Variants in STIM1 observed in about 807,000 individuals in gnomAD.
STIM1 encodes stromal interaction molecule 1.
In STIM1, 25 loss-of-function variants were observed where a neutral mutation model predicts 74.7. The ratio of observed to expected loss-of-function variants is 0.33; its 90% confidence interval spans 0.24 to 0.47. The LOEUF (loss-of-function observed/expected upper bound fraction) is 0.47. STIM1 is among the 20% of genes least tolerant of loss of function. STIM1 has a pLI of 1.00. For missense variants in STIM1, 728 were observed against 920.8 expected (o/e 0.79, Z 2.71); for synonymous variants, 328 against 348.8 (o/e 0.94, Z 0.66).
At chr11:4,013,706 T>C (rs1194014745) in intron 2 of STIM1, among the ~76,000 whole-genome samples, 1 of 127,090 alleles carries the variant, frequency 7.9e-6, no homozygotes, top group Non-Finnish European at 1.7e-5. Context: ...TTTTTTTTTT[T>C]TTTTTTTTTT....
chr11:3,899,165 A>G (rs1226537457), intron 1 of STIM1, among the ~76,000 whole-genome samples: 1 of 135,826 alleles, frequency 7.4e-6, no homozygotes, highest in Non-Finnish European at 1.6e-5. Flanking sequence ...ATGTTCTTCC[A>G]TTTGTTTGTA....
chr11:3,991,720 G>A (rs1364220108), intron 2 of STIM1, among the ~76,000 whole-genome samples: 1 of 151,090 alleles, frequency 6.6e-6, no homozygotes, highest in Non-Finnish European at 1.5e-5. Flanking sequence ...AGGCTGAGGC[G>A]GGTGGATCAC....
Position 3,923,673 on chromosome 11 carries a change from A to G in STIM1, c.140-43879A>G, listed in dbSNP as rs189423950. ...ATAAGTGTTACCTTTCTCATAAGGC[A>G]GATATTTGTGGGTCTGTTTCCACAC... On this transcript the variant is annotated intron_variant, in intron 1 of 12. Coordinates refer to ENST00000526596, the MANE Select transcript of STIM1 (RefSeq NM_001382567.1). 2.0e-3 allele frequency among the ~76,000 whole-genome samples: 302 copies of G among 150,966 alleles called. 6 individuals carry two copies. The highest frequency in any genetic ancestry group is 7.0e-3 in the African/African-American group (288 of 41,150).
chr11:4,075,582 G>A (rs1217919974), intron 7 of STIM1, among the ~76,000 whole-genome samples: 2 of 152,178 alleles, frequency 1.3e-5, no homozygotes, highest in African/African-American at 2.4e-5. Context: ...CCATTGCTGA[G>A]TAATAATCTA....
chr11:3,898,755 C>A (rs1450019232), intron 1 of STIM1, among the ~76,000 whole-genome samples: 1 of 149,972 alleles, frequency 6.7e-6, no homozygotes, highest in Non-Finnish European at 1.5e-5. Flanking sequence ...TTTCCCAGCA[C>A]CATTTATTAA....
At chr11:3,914,924 T>C (rs1453888060) in intron 1 of STIM1, among the ~76,000 whole-genome samples, 1 of 152,130 alleles carries the variant, frequency 6.6e-6, no homozygotes, top group African/African-American at 2.4e-5. Context: ...CTTTTTTTTT[T>C]CCTTTTTGGT....
At chr11:4,004,525 C>G (rs1300433772) in intron 2 of STIM1, among the ~76,000 whole-genome samples, 1 of 150,876 alleles carries the variant, frequency 6.6e-6, no homozygotes, top group Admixed American at 6.6e-5. Context: ...GGAAAACTGG[C>G]TAGCCATATG....
chr11:3,859,886 C>T (rs2090531284), intron 1 of STIM1, among the ~76,000 whole-genome samples: 1 of 152,224 alleles, frequency 6.6e-6, no homozygotes, highest in Non-Finnish European at 1.5e-5. Flanking sequence ...CAGGCCTCAG[C>T]TTTGACAATC....
At chr11:3,991,973 GA>G (rs35772913) in intron 2 of STIM1, among the ~76,000 whole-genome samples, 29,533 of 80,948 alleles carry the variant, frequency 0.36, 6,003 homozygotes, top group Admixed American at 0.43. Flanking sequence ...AAAAAAAAAA[GA>G]AAAAAAAAAA....
chr11:4,040,691 G>T (rs958090292), intron 3 of STIM1, among the ~76,000 whole-genome samples: 1 of 152,250 alleles, frequency 6.6e-6, no homozygotes, highest in African/African-American at 2.4e-5. Context: ...TTGACTGTTT[G>T]ATTGTGTGAT....
intron 1 of STIM1, among the ~76,000 whole-genome samples, chr11:3,859,823 G>T (rs72847156): frequency 0.24 from 36,207 of 152,188 alleles, 5,032 homozygotes; most frequent in South Asian, 0.37. Flanking sequence ...TAATACTGGG[G>T]CCTGGGGAGA....
chr11:3,919,192 T>G (rs2092687308), intron 1 of STIM1, among the ~76,000 whole-genome samples: 1 of 152,156 alleles, frequency 6.6e-6, no homozygotes, highest in African/African-American at 2.4e-5. Context: ...CAAGGACTTT[T>G]CTTAGCCCCA....
At chr11:3,987,872 T>G (rs2093572114) in intron 2 of STIM1, among the ~76,000 whole-genome samples, 1 of 151,714 alleles carries the variant, frequency 6.6e-6, no homozygotes, top group African/African-American at 2.4e-5. Flanking sequence ...TATTGCTCAT[T>G]GATGCATAAG....
At chr11:3,909,056 T>TA (rs746129577) in intron 1 of STIM1, among the ~76,000 whole-genome samples, 1 of 152,188 alleles carries the variant, frequency 6.6e-6, no homozygotes, top group Non-Finnish European at 1.5e-5. Flanking sequence ...GTACTAGTGT[T>TA]ACTTTGGGCC....
chr11:4,082,349 G>A lies in STIM1; in HGVS notation c.1135G>A (p.Gly379Arg), dbSNP rs201447973. ...AEKQLLVAKEGAEKIKKKRNT... is the reference protein window; with the variant it reads ...AEKQLLVAKERAEKIKKKRNT... ...GAAGCAGCTGCTGGTGGCCAAGGAG[G>A]GGGTGAGAACAGCCCTTCTATTGTC... Residue 379 changes from glycine to arginine, a missense_variant and splice_region_variant, in exon 8 of 13, where the codon GGG becomes AGG. Gly to Arg is a moderately radical substitution (Grantham distance 125, BLOSUM62 -2). Around this residue, in one of 5 missense-constraint regions of STIM1, gnomAD observed 131 missense variants for 235.9 expected, o/e 0.56. Coordinates refer to ENST00000526596, the MANE Select transcript of STIM1 (RefSeq NM_001382567.1). 6.2e-7 allele frequency: 1 copy of A among 1,610,730 alleles called. No homozygotes were observed. The highest frequency in any genetic ancestry group is 8.5e-7 in the Non-Finnish European group (1 of 1,178,910).
chr11:3,897,114 A>G (rs2092200738), intron 1 of STIM1, among the ~76,000 whole-genome samples: 1 of 152,206 alleles, frequency 6.6e-6, no homozygotes, highest in Admixed American at 6.5e-5. Context: ...TGATTTCAAA[A>G]TATTTCTTTC....
chr11:3,870,600 G>T (rs944888284), intron 1 of STIM1, among the ~76,000 whole-genome samples: 1 of 151,986 alleles, frequency 6.6e-6, no homozygotes, highest in African/African-American at 2.4e-5. Flanking sequence ...AGGCTCAGGC[G>T]ATCCTCCCAT....
intron 1 of STIM1, among the ~76,000 whole-genome samples, chr11:3,890,170 G>A (rs1255811332): frequency 2.6e-5 from 4 of 151,938 alleles, no homozygotes; most frequent in East Asian, 1.9e-4. Context: ...AGGCCATCAC[G>A]CTTACCCTCT....
At chr11:4,086,823 C>T (rs904810224) in intron 12 of STIM1, 1 of 1,536,276 alleles carries the variant, frequency 6.5e-7, no homozygotes, top group Admixed American at 2.0e-5. Flanking sequence ...CCCCTTCTGA[C>T]AGCACCGCTG....
Sources: gnomAD v4.1 joint callset for allele counts (sites outside exome capture counted in the v4.1 genomes callset) on GRCh38, gnomAD v4.1.1 for gene constraint, gnomAD v4.1.1 regional missense constraint, MANE v1.5 for transcripts, NCBI Gene and HGNC (gene_info 2026-07-23, HGNC 2026-07-21) for gene names.